DMD: variants seen among roughly 807,000 people sequenced by gnomAD.
DMD encodes dystrophin.
In DMD, 63 loss-of-function variants were observed where a neutral mutation model predicts 330.1. The ratio of observed to expected loss-of-function variants is 0.19; its 90% CI spans 0.16 to 0.24. The LOEUF is 0.24. Ranked by LOEUF, DMD falls within the 10% of genes least tolerant of loss-of-function variation. DMD has a pLI of 1.00. For missense variants in DMD, 3,344 were observed against 2,684.1 expected (o/e 1.25, Z -5.43); for synonymous variants, 1,223 against 959.8 (o/e 1.27, Z -5.07).
At chrX:32,844,954 A>G in intron 3 of DMD, 94 bp from the exon 4 acceptor site, 2 of 736,911 alleles carry the variant, frequency 2.7e-6, no homozygotes, top group Non-Finnish European at 2.1e-6. Context: ...TTAAGCTTGA[A>G]TATTGTAAAC....
intron 30 of DMD, among the ~76,000 whole-genome samples, chrX:32,405,916 CTT>C (rs2098114574): frequency 9.0e-6 from 1 of 111,420 alleles, no homozygotes; most frequent in South Asian, 3.7e-4. Flanking sequence ...TTTGTATCCT[CTT>C]TTATTTCATT....
chrX:31,591,615 GATC>G (rs1335933202), intron 55 of DMD, among the ~76,000 whole-genome samples: 1 of 111,104 alleles, frequency 9.0e-6, no homozygotes, highest in Non-Finnish European at 1.9e-5. Flanking sequence ...CTGAATTTTT[GATC>G]ATCAAGTTTA....
In DMD at chrX:32,277,364, A is replaced by G. The variant is rs765778132; in HGVS notation, c.6290+10165T>C. On this transcript the variant is annotated intron_variant, in intron 43 of 78. Transcript: ENST00000357033. The stretch of plus-strand genomic sequence containing the variant: ...GGAGAGAGAAAGACCTCAATACAAT[A>G]ACAGCAGGAGCCTTCAACAACCCCA... Among the ~76,000 whole-genome samples, 146 of 111,847 alleles carry G rather than the reference A, an allele frequency of 1.3e-3. 1 individual carries two copies. Among genetic ancestry groups the G allele is most frequent in the Non-Finnish European group, 2.1e-3 (111 of 53,151 alleles).
chrX:32,495,509 A>G (rs1195159106), intron 19 of DMD, among the ~76,000 whole-genome samples: 1 of 111,691 alleles, frequency 9.0e-6, no homozygotes, highest in Non-Finnish European at 1.9e-5. Flanking sequence ...CTGTCACGTT[A>G]ATAACCGACA....
At chrX:32,807,147 AAAC>A (rs1334745209) in intron 7 of DMD, among the ~76,000 whole-genome samples, 1 of 104,345 alleles carries the variant, frequency 9.6e-6, no homozygotes, top group African/African-American at 3.6e-5. Context: ...AAAAAAAAAA[AAAC>A]ATCAACAAAT....
At chrX:33,189,574 G>A (rs1245692840) in intron 1 of DMD, among the ~76,000 whole-genome samples, 5 of 110,568 alleles carry the variant, frequency 4.5e-5, no homozygotes, top group African/African-American at 6.6e-5. Flanking sequence ...TGATTGGTAA[G>A]GAGAAGGAGG....
At chrX:31,202,734 A>G (rs1403934837) in intron 67 of DMD, among the ~76,000 whole-genome samples, 3 of 111,991 alleles carry the variant, frequency 2.7e-5, no homozygotes, top group African/African-American at 6.5e-5. Context: ...AACCCTACAT[A>G]AGAAAAACAG....
intron 30 of DMD, among the ~76,000 whole-genome samples, chrX:32,406,938 C>T (rs1342277047): frequency 2.7e-5 from 3 of 111,465 alleles, no homozygotes; most frequent in South Asian, 3.8e-4. Flanking sequence ...AAAGCTGAAA[C>T]TGGATCCCTT....
At chrX:31,226,408 G>A (rs1351091083) in intron 63 of DMD, among the ~76,000 whole-genome samples, 1 of 111,661 alleles carries the variant, frequency 9.0e-6, no homozygotes, top group Non-Finnish European at 1.9e-5. Context: ...ATATTTGTGA[G>A]TCTCTTGTTT....
intron 57 of DMD, among the ~76,000 whole-genome samples, chrX:31,490,337 T>C (rs990225252): frequency 9.0e-6 from 1 of 110,791 alleles, no homozygotes; most frequent in Non-Finnish European, 1.9e-5. Context: ...CTGAGGCGGG[T>C]GGATCACGAG....
chrX:32,685,656 G>A (rs2062805346), intron 9 of DMD, among the ~76,000 whole-genome samples: 1 of 111,643 alleles, frequency 9.0e-6, no homozygotes, highest in Non-Finnish European at 1.9e-5. Context: ...CCTAATAGAA[G>A]TAAGTATTTA....
chrX:31,308,719 T>C (rs1409747811), intron 62 of DMD, among the ~76,000 whole-genome samples: 2 of 110,479 alleles, frequency 1.8e-5, no homozygotes, highest in Non-Finnish European at 3.8e-5. Context: ...GCCATCTATT[T>C]TTTTGTGTGT....
At chrX:32,947,276 A>G (rs1326578480) in intron 2 of DMD, among the ~76,000 whole-genome samples, 1 of 112,160 alleles carries the variant, frequency 8.9e-6, no homozygotes, top group African/African-American at 3.2e-5. Context: ...ACGAGCAATT[A>G]CAAATCTGGC....
chrX:32,244,796 T>G (rs1485940144), intron 43 of DMD, among the ~76,000 whole-genome samples: 956 of 68,571 alleles, frequency 0.014, 19 homozygotes, highest in Non-Finnish European at 0.02. Flanking sequence ...TCGCTCACTT[T>G]TTGATGGGGT....
At chrX:31,846,831 G>A (rs2093435490) in intron 48 of DMD, among the ~76,000 whole-genome samples, 1 of 111,650 alleles carries the variant, frequency 9.0e-6, no homozygotes, top group Non-Finnish European at 1.9e-5. Context: ...GATAGGATCA[G>A]GAGTCTGCTT....
At chrX:31,890,988 A>G (rs984475143) in intron 47 of DMD, among the ~76,000 whole-genome samples, 1 of 112,114 alleles carries the variant, frequency 8.9e-6, no homozygotes, top group Non-Finnish European at 1.9e-5. Context: ...AATTTGATGC[A>G]TTATTGTTAT....
chrX:32,088,308 G>A lies in DMD; in HGVS notation c.6439-119794C>T, dbSNP rs185286701. On this transcript the variant is annotated intron_variant, in intron 44 of 78. Transcript: ENST00000357033. ...GGTTTTCCCCCATTTTACAGTTGAC[G>A]AAATAGAAGAGATTTCAGCCACTTG... Among the ~76,000 whole-genome samples, 81 of 110,440 alleles carry A rather than the reference G, an allele frequency of 7.3e-4. 1 individual carries two copies. The East Asian group carries it at 0.016, about 22-fold the overall frequency.
At chrX:33,015,333 T>C (rs1020222327) in intron 2 of DMD, among the ~76,000 whole-genome samples, 1 of 111,493 alleles carries the variant, frequency 9.0e-6, no homozygotes, top group Admixed American at 9.6e-5. Flanking sequence ...TATGTAGCCA[T>C]AAGAAAGAAT....
At chrX:32,520,244 G>C (rs1030705106) in intron 17 of DMD, among the ~76,000 whole-genome samples, 1 of 111,672 alleles carries the variant, frequency 9.0e-6, no homozygotes, top group Admixed American at 9.5e-5. Context: ...AAAATATACA[G>C]TACAATTATA....
Sources: allele counts gnomAD v4.1 joint callset (sites outside exome capture counted in the v4.1 genomes callset), GRCh38; gene constraint gnomAD v4.1.1; transcripts MANE v1.5; gene names NCBI Gene and HGNC (gene_info 2026-07-23, HGNC 2026-07-21).